The following SEZ6L variants were observed in gnomAD, a reference collection of about 807,000 sequenced individuals.
SEZ6L encodes seizure 6-like protein.
In SEZ6L, 37 loss-of-function variants were observed where a neutral mutation model predicts 106.2. The observed-to-expected ratio is 0.35, with a 90% CI of 0.27 to 0.46. The LOEUF is 0.46. Among genes scored for constraint, SEZ6L ranks in the 20% least tolerant of loss-of-function variants. The probability of loss-of-function intolerance (pLI) is 1.00; values close to 1 mark genes in which losing one functional copy is unlikely to be tolerated. For missense variants in SEZ6L, 1,172 were observed against 1,332.8 expected (o/e 0.88, Z 1.88); for synonymous variants, 541 against 570.4 (o/e 0.95, Z 0.73).
intron 1 of SEZ6L, among the ~76,000 whole-genome samples, chr22:26,222,000 A>G (rs1283482206): frequency 6.6e-6 from 1 of 152,104 alleles, no homozygotes; most frequent in Non-Finnish European, 1.5e-5. Flanking sequence ...TCCTAATACT[A>G]TTTCCCTGTC....
chr22:26,383,350 G>A lies in SEZ6L; in HGVS notation c.*3055G>A, dbSNP rs2084469477. The A allele has an allele frequency of 6.6e-6, 1 of 152,000 alleles. No homozygotes were observed. The highest frequency in any genetic ancestry group is 2.4e-5 in the African/African-American group (1 of 41,394). 9.4% of individuals were successfully genotyped at this position (152,000 alleles called of 1,614,324 possible). A position where few individuals can be genotyped will look rare whatever the true frequency, so the allele number is the denominator to read the frequency against. ...TGAGGCACGGGCCTCAGGCAAAAAT[G>A]CCCTTCGAGTGAATCCGAAGGGCAT... is the stretch of plus-strand genomic sequence containing the variant. On this transcript the variant is annotated 3_prime_UTR_variant, in exon 17 of 17. Coordinates refer to ENST00000248933, the MANE Select transcript of SEZ6L (RefSeq NM_021115.5).
chr22:26,374,790 T>C (rs1164542691), intron 14 of SEZ6L, among the ~76,000 whole-genome samples: 10 of 152,302 alleles, frequency 6.6e-5, no homozygotes, highest in Non-Finnish European at 1.5e-5. Context: ...TAAGCTATGC[T>C]GGGAAAGCAG....
At chr22:26,279,831 G>C (rs1231936628) in intron 1 of SEZ6L, among the ~76,000 whole-genome samples, 1 of 152,200 alleles carries the variant, frequency 6.6e-6, no homozygotes, top group South Asian at 2.1e-4. Flanking sequence ...CCCTGCAGGA[G>C]AGAAGCTGAT....
chr22:26,287,143 G>C (rs2080962099), intron 1 of SEZ6L, among the ~76,000 whole-genome samples: 1 of 151,668 alleles, frequency 6.6e-6, no homozygotes, highest in South Asian at 2.1e-4. Context: ...GAGAGAAAGA[G>C]AGATACGCTG....
At chr22:26,300,895 T>C (rs1186555327) in intron 5 of SEZ6L, among the ~76,000 whole-genome samples, 1 of 152,260 alleles carries the variant, frequency 6.6e-6, no homozygotes, top group Non-Finnish European at 1.5e-5. Context: ...TTTGCAAATA[T>C]TTTCTCCCAT....
intron 1 of SEZ6L, among the ~76,000 whole-genome samples, chr22:26,291,448 AGTTGGGGGAG>A (rs2081104482): frequency 1.1e-5 from 1 of 89,056 alleles, no homozygotes; most frequent in Non-Finnish European, 2.3e-5. Context: ...TGCGGGGTGG[AGTTGGGGGAG>A]GGGAGAGCAT....
intron 1 of SEZ6L, among the ~76,000 whole-genome samples, chr22:26,196,899 GC>G (rs1940615945): frequency 6.6e-6 from 1 of 152,194 alleles, no homozygotes; most frequent in Admixed American, 6.5e-5. Context: ...TACCTTTGCC[GC>G]AATAGGGAAG....
At position 26,292,858 on chromosome 22, in the gene SEZ6L, C is replaced by T. The variant is rs747137234; in HGVS notation, c.547C>T (p.Pro183Ser). The T allele has an allele frequency of 8.1e-6, 13 of 1,614,148 alleles. No homozygotes were observed. The highest frequency in any genetic ancestry group is 1.3e-5 in the African/African-American group (1 of 75,074). ...GGCCTCCGAGGAGGCATCAGAAGTGCCCCTTTGGCTGGACCGAAAGGAGAG... is the reference window on the plus strand; with the variant it reads ...GGCCTCCGAGGAGGCATCAGAAGTGTCCCTTTGGCTGGACCGAAAGGAGAG... ...IVASEEASEV[P>S]LWLDRKESAV... is the part of the protein sequence containing the mutation. Residue 183 changes from proline to serine, a missense_variant, in exon 2 of 17, where the codon CCC (proline) becomes TCC (serine). Transcript: ENST00000248933.
At chr22:26,235,274 TC>T (rs1444830509) in intron 1 of SEZ6L, among the ~76,000 whole-genome samples, 11 of 152,152 alleles carry the variant, frequency 7.2e-5, no homozygotes, top group Admixed American at 2.0e-4. Flanking sequence ...CTCCTCCATA[TC>T]CCCAAGCAAA....
chr22:26,375,352 A>G (rs1473244375), intron 14 of SEZ6L, among the ~76,000 whole-genome samples: 1 of 152,142 alleles, frequency 6.6e-6, no homozygotes, highest in Non-Finnish European at 1.5e-5. Flanking sequence ...GTAATTCTCT[A>G]TAGCTCCTAT....
intron 1 of SEZ6L, among the ~76,000 whole-genome samples, chr22:26,290,058 G>A (rs1456286199): frequency 1.3e-5 from 2 of 152,180 alleles, no homozygotes; most frequent in Non-Finnish European, 2.9e-5. Context: ...ACATCAACTC[G>A]CTGAATGATG....
chr22:26,190,685 C>T lies in SEZ6L; in HGVS notation c.94+20922C>T, dbSNP rs545526525. On this transcript the variant is annotated intron_variant, in intron 1 of 16. Transcript: ENST00000248933. ...GGAACCATGTAGGACCCTGATTGGCCAGCCCTGACCTCCCCCAACACATGG... is the reference window on the plus strand; with the variant it reads ...GGAACCATGTAGGACCCTGATTGGCTAGCCCTGACCTCCCCCAACACATGG... Among the ~76,000 whole-genome samples, 68 of 152,266 alleles carry T rather than the reference C, an allele frequency of 4.5e-4. 1 individual carries two copies. Among genetic ancestry groups the T allele is most frequent in the Middle Eastern group, 6.8e-3 (2 of 294 alleles).
At chr22:26,357,828 G>A (rs2083487530) in intron 12 of SEZ6L, among the ~76,000 whole-genome samples, 1 of 152,114 alleles carries the variant, frequency 6.6e-6, no homozygotes, top group African/African-American at 2.4e-5. Flanking sequence ...AGGACGTGGT[G>A]GATGACTCCT....
At chr22:26,297,541 C>A (rs574933886) in intron 4 of SEZ6L, among the ~76,000 whole-genome samples, 1 of 152,198 alleles carries the variant, frequency 6.6e-6, no homozygotes, top group South Asian at 2.1e-4. Context: ...AATAAGCAAG[C>A]AGCTTTCCTT....
chr22:26,231,888 C>T (rs181311093), intron 1 of SEZ6L, among the ~76,000 whole-genome samples: 6 of 152,330 alleles, frequency 3.9e-5, no homozygotes, highest in East Asian at 1.9e-4. Flanking sequence ...ACTGCAAGTG[C>T]CATGGCTGTG....
chr22:26,172,110 C>T (rs1166474392), intron 1 of SEZ6L, among the ~76,000 whole-genome samples: 2 of 152,120 alleles, frequency 1.3e-5, no homozygotes, highest in Non-Finnish European at 2.9e-5. Flanking sequence ...CAGATATGCA[C>T]ATGGGGAATA....
chr22:26,241,149 G>A (rs1380594491), intron 1 of SEZ6L, among the ~76,000 whole-genome samples: 9 of 152,208 alleles, frequency 5.9e-5, no homozygotes, highest in Admixed American at 1.3e-4. Flanking sequence ...TGAGACTCAA[G>A]AGAGGTTAAA....
At chr22:26,288,240 A>G (rs2080999367) in intron 1 of SEZ6L, among the ~76,000 whole-genome samples, 1 of 152,244 alleles carries the variant, frequency 6.6e-6, no homozygotes. Context: ...GACAAAACAG[A>G]TGAGGAACAC....
intron 10 of SEZ6L, among the ~76,000 whole-genome samples, chr22:26,341,461 T>A (rs1323118563): frequency 1.3e-5 from 2 of 152,178 alleles, no homozygotes; most frequent in Non-Finnish European, 2.9e-5. Context: ...CATCCTGGAC[T>A]GTATCCTCTC....
Sources: gnomAD v4.1 joint callset for allele counts (sites outside exome capture counted in the v4.1 genomes callset) on GRCh38, gnomAD v4.1.1 for gene constraint, MANE v1.5 for transcripts, NCBI Gene and HGNC (gene_info 2026-07-23, HGNC 2026-07-21) for gene names.